The following RASAL2 variants were observed in gnomAD, a reference collection of about 807,000 sequenced individuals.
RASAL2 encodes the protein ras GTPase-activating protein nGAP.
Under a neutral mutation model 128.9 loss-of-function variants are expected in RASAL2, and 58 were observed. That is an observed-to-expected ratio of 0.45 (90% CI 0.36 to 0.56). The LOEUF is 0.56. Among genes scored for constraint, RASAL2 ranks in the 20% least tolerant of loss-of-function variants. The pLI, the probability that RASAL2 is intolerant of heterozygous loss-of-function variation, is 0.00. For missense variants in RASAL2, 1,360 were observed against 1,601.6 expected (o/e 0.85, Z 2.57); for synonymous variants, 561 against 580.8 (o/e 0.97, Z 0.49).
intron 4 of RASAL2, among the ~76,000 whole-genome samples, chr1:178,411,062 G>A (rs955527541): frequency 6.6e-6 from 1 of 152,058 alleles, no homozygotes; most frequent in African/African-American, 2.4e-5. Context: ...AAAGACACTT[G>A]CACACGTATA....
chr1:178,416,090 TG>T (rs1674733651), intron 4 of RASAL2, among the ~76,000 whole-genome samples: 1 of 152,128 alleles, frequency 6.6e-6, no homozygotes, highest in Non-Finnish European at 1.5e-5. Flanking sequence ...TAACCATATT[TG>T]TTAACTGTTT....
chr1:178,314,704 T>C (rs1214991048), intron 3 of RASAL2, among the ~76,000 whole-genome samples: 3 of 152,208 alleles, frequency 2.0e-5, no homozygotes, highest in Non-Finnish European at 4.4e-5. Flanking sequence ...TGTTCAATAC[T>C]AGTTGTAACA....
In RASAL2 at chr1:178,473,252, G is replaced by A. The variant is rs1457080078; in HGVS notation, c.*13G>A. The A allele has an allele frequency of 6.2e-6, 10 of 1,613,932 alleles. No individual in the cohort carries two copies. The East Asian group carries it at 6.7e-5, about 11-fold the overall frequency. On this transcript the variant is annotated 3_prime_UTR_variant, in exon 18 of 18. Transcript: ENST00000367649. ...CAGCAGCTGCTGACGGGCTTTGTCT[G>A]TGGAAGGAGACAGAAGGAAATTGAC...
At chr1:178,374,377 T>C (rs903644249) in intron 3 of RASAL2, among the ~76,000 whole-genome samples, 9 of 152,030 alleles carry the variant, frequency 5.9e-5, no homozygotes, top group Non-Finnish European at 1.0e-4. Flanking sequence ...CAAGAAACAC[T>C]GTGTCTTTTG....
At chr1:178,393,983 G>T (rs1673067844) in intron 4 of RASAL2, among the ~76,000 whole-genome samples, 1 of 152,174 alleles carries the variant, frequency 6.6e-6, no homozygotes, top group South Asian at 2.1e-4. Flanking sequence ...GATCATGTGG[G>T]ATAAGAGCAG....
intron 3 of RASAL2, among the ~76,000 whole-genome samples, chr1:178,335,503 T>G (rs937358662): frequency 3.3e-5 from 5 of 152,144 alleles, no homozygotes; most frequent in Admixed American, 3.3e-4. Flanking sequence ...ACTGAGAATA[T>G]GTTCCTCTCC....
At chr1:178,136,602 C>T (rs763737661) in intron 1 of RASAL2, among the ~76,000 whole-genome samples, 4 of 151,302 alleles carry the variant, frequency 2.6e-5, no homozygotes, top group African/African-American at 7.3e-5. Flanking sequence ...CCAAAAAATA[C>T]GAAAATTACC....
chr1:178,383,984 GA>G (rs1475671190), intron 3 of RASAL2, among the ~76,000 whole-genome samples: 2 of 152,146 alleles, frequency 1.3e-5, no homozygotes, highest in East Asian at 3.8e-4. Flanking sequence ...ATGTTTTGTT[GA>G]AATGTTGATT....
At chr1:178,379,967 C>T (rs999129626) in intron 3 of RASAL2, among the ~76,000 whole-genome samples, 6 of 152,300 alleles carry the variant, frequency 3.9e-5, no homozygotes, top group Non-Finnish European at 8.8e-5. Flanking sequence ...CCTCTTCCAC[C>T]TCAGCGCCTT....
At chr1:178,362,380 T>C (rs1170245201) in intron 3 of RASAL2, among the ~76,000 whole-genome samples, 1 of 152,122 alleles carries the variant, frequency 6.6e-6, no homozygotes, top group Non-Finnish European at 1.5e-5. Context: ...TTGATATACA[T>C]AGTGAAATGA....
chr1:178,248,891 T>C (rs1571702725), intron 1 of RASAL2, among the ~76,000 whole-genome samples: 1 of 152,194 alleles, frequency 6.6e-6, no homozygotes, highest in Admixed American at 6.5e-5. Context: ...GCTTGTAGGG[T>C]TTCTGCCAAG....
intron 1 of RASAL2, among the ~76,000 whole-genome samples, chr1:178,238,462 C>T (rs1018643978): frequency 1.3e-5 from 2 of 152,100 alleles, no homozygotes; most frequent in Non-Finnish European, 2.9e-5. Context: ...ATTCTGCCTC[C>T]AGAATAATGA....
intron 3 of RASAL2, among the ~76,000 whole-genome samples, chr1:178,343,759 A>G (rs1438340151): frequency 1.3e-5 from 2 of 152,178 alleles, no homozygotes; most frequent in African/African-American, 4.8e-5. Context: ...TCTGAAAACA[A>G]ATGTCAGATT....
At chr1:178,116,690 A>G (rs796738047) in intron 1 of RASAL2, among the ~76,000 whole-genome samples, 1 of 151,994 alleles carries the variant, frequency 6.6e-6, no homozygotes, top group African/African-American at 2.4e-5. Flanking sequence ...GCTCACTGCA[A>G]TCTTCACCTC....
chr1:178,159,015 T>C (rs1661181850), intron 1 of RASAL2, among the ~76,000 whole-genome samples: 1 of 152,214 alleles, frequency 6.6e-6, no homozygotes, highest in Non-Finnish European at 1.5e-5. Flanking sequence ...GAGCTCAAAA[T>C]ACAGTCTTAC....
chr1:178,157,863 G>T (rs868063864), intron 1 of RASAL2, among the ~76,000 whole-genome samples: 3 of 152,090 alleles, frequency 2.0e-5, no homozygotes, highest in Non-Finnish European at 2.9e-5. Flanking sequence ...AAAAGTAAAG[G>T]AGTTACCATA....
chr1:178,470,937 T>C (rs1310683718), intron 17 of RASAL2, among the ~76,000 whole-genome samples: 1 of 152,010 alleles, frequency 6.6e-6, no homozygotes, highest in African/African-American at 2.4e-5. Flanking sequence ...CTCTATTTGA[T>C]TTTTTTTAAC....
At chr1:178,362,969 GA>G (rs1412510251) in intron 3 of RASAL2, among the ~76,000 whole-genome samples, 5 of 152,086 alleles carry the variant, frequency 3.3e-5, no homozygotes, top group Non-Finnish European at 7.4e-5. Flanking sequence ...ATGAATATGG[GA>G]ATGCAGATTT....
intron 1 of RASAL2, among the ~76,000 whole-genome samples, chr1:178,138,984 T>G (rs975922115): frequency 1.3e-5 from 2 of 152,086 alleles, no homozygotes; most frequent in African/African-American, 4.8e-5. Context: ...GCATGTTTTA[T>G]TGGACATTTT....
Sources: allele counts gnomAD v4.1 joint callset (sites outside exome capture counted in the v4.1 genomes callset), GRCh38; gene constraint gnomAD v4.1.1; transcripts MANE v1.5; gene names NCBI Gene and HGNC (gene_info 2026-07-23, HGNC 2026-07-21).